The following KAZN variants were observed in gnomAD, a reference collection of about 807,000 sequenced individuals.
KAZN encodes the protein kazrin.
Under a neutral mutation model 87.4 loss-of-function variants are expected in KAZN, and 40 were observed. That is an observed-to-expected ratio of 0.46 (90% CI 0.36 to 0.60). The LOEUF (loss-of-function observed/expected upper bound fraction) is 0.60. Among genes scored for constraint, KAZN ranks in the 20% least tolerant of loss-of-function variants. The probability of loss-of-function intolerance (pLI) is 0.00; values close to 1 mark genes in which losing one functional copy is unlikely to be tolerated. For missense variants in KAZN, 898 were observed against 1,073.9 expected, an observed-to-expected ratio of 0.84 and a Z score of 2.29; for synonymous variants, 466 against 458.3, an observed-to-expected ratio of 1.02 and a Z score of -0.22.
At chr1:14,114,389 G>A (rs1227958843) in intron 1 of KAZN, among the ~76,000 whole-genome samples, 3 of 152,110 alleles carry the variant, frequency 2.0e-5, no homozygotes, top group East Asian at 1.9e-4. Context: ...TGACTCTGGC[G>A]ATTTGCAGAA....
intron 2 of KAZN, among the ~76,000 whole-genome samples, chr1:14,281,578 A>T (rs1652839571): frequency 6.6e-6 from 1 of 152,150 alleles, no homozygotes; most frequent in African/African-American, 2.4e-5. Context: ...CTTGCCTAGA[A>T]ACAGAACATT....
At position 14,655,664 on chromosome 1, in the gene KAZN, G is replaced by A. The variant is rs1477789949; in HGVS notation, c.226+56441G>A. On this transcript the variant is annotated intron_variant, in intron 1 of 14. Coordinates refer to ENST00000376030, the MANE Select transcript of KAZN (RefSeq NM_201628.3). ...TTGCTTCTCTGCTGATGGGGAAACT[G>A]TGACATGACATTTTGGTGGCTGTGG... Among the ~76,000 whole-genome samples, 3 of 152,344 alleles carry A rather than the reference G, an allele frequency of 2.0e-5. No individual in the cohort carries two copies. The East Asian group carries it at 5.8e-4, about 29-fold the overall frequency.
At chr1:14,111,937 A>G (rs1019408493) in intron 1 of KAZN, among the ~76,000 whole-genome samples, 33 of 151,538 alleles carry the variant, frequency 2.2e-4, no homozygotes, top group Admixed American at 1.8e-3. Context: ...ACGGGCTTTC[A>G]CCATATTGGT....
intron 2 of KAZN, among the ~76,000 whole-genome samples, chr1:15,011,231 G>C (rs1283840249): frequency 6.6e-6 from 1 of 152,192 alleles, no homozygotes; most frequent in Non-Finnish European, 1.5e-5. Context: ...GCCAGTTAGG[G>C]TAAGAGCCCA....
At chr1:14,261,927 G>T (rs1448253605) in intron 2 of KAZN, among the ~76,000 whole-genome samples, 1 of 152,100 alleles carries the variant, frequency 6.6e-6, no homozygotes, top group Non-Finnish European at 1.5e-5. Context: ...AAATGCCGTG[G>T]TCCCCAAATG....
intron 1 of KAZN, among the ~76,000 whole-genome samples, chr1:14,106,662 G>A (rs1198826424): frequency 6.6e-6 from 1 of 152,198 alleles, no homozygotes; most frequent in African/African-American, 2.4e-5. Context: ...GAGGTTGGAT[G>A]AGTGATGATC....
chr1:14,805,938 A>G (rs566269569), intron 1 of KAZN, among the ~76,000 whole-genome samples: 66 of 152,274 alleles, frequency 4.3e-4, no homozygotes, highest in African/African-American at 1.5e-3. Flanking sequence ...GCAAGATAAT[A>G]CAATTAAAGA....
chr1:14,468,817 T>C (rs1211977967), intron 2 of KAZN, among the ~76,000 whole-genome samples: 1 of 152,206 alleles, frequency 6.6e-6, no homozygotes. Flanking sequence ...TCTCTGCGGG[T>C]AGGCATCGTC....
At position 14,127,855 on chromosome 1, in the gene KAZN, G is replaced by A. The variant is rs1045404234; in HGVS notation, c.92-52580G>A. 2.0e-5 allele frequency among the ~76,000 whole-genome samples: 3 copies of A among 152,270 alleles called. No homozygotes were observed. The South Asian group carries it at 6.2e-4, about 32-fold the overall frequency. On this transcript the variant is annotated intron_variant, in intron 1 of 16. Coordinates refer to the KAZN transcript ENST00000636203. The stretch of plus-strand genomic sequence containing the variant: ...GGAGACGTGGGCACTTGGCTCGTGG[G>A]GTTGTTCTGTCTGGAGTGAAGAGAG...
Position 14,960,884 on chromosome 1 carries a change from C to G in KAZN, c.418+9C>G. On this transcript the variant is annotated intron_variant, in intron 2 of 14. Coordinates refer to ENST00000376030, the MANE Select transcript of KAZN (RefSeq NM_201628.3). ...CAAAGAAGCCTTGCAGGGTGAGTGA[C>G]GAGTCAGCAGCAGTTCCTTCGCTGG... 1.3e-6 allele frequency: 2 copies of G among 1,595,704 alleles called. No individual in the cohort carries two copies. The highest frequency in any genetic ancestry group is 8.6e-7 in the Non-Finnish European group (1 of 1,168,912).
At chr1:14,514,417 T>TTATATATAA in intron 2 of KAZN, among the ~76,000 whole-genome samples, 1 of 10,694 alleles carries the variant, frequency 9.4e-5, no homozygotes, top group African/African-American at 2.7e-4. Context: ...AATATATAAA[T>TTATATATAA]ATATATATAA....
chr1:14,871,989 A>T (rs1181556277), intron 1 of KAZN, among the ~76,000 whole-genome samples: 1 of 152,160 alleles, frequency 6.6e-6, no homozygotes, highest in Non-Finnish European at 1.5e-5. Context: ...TACCAGAAGA[A>T]GGGGGCATGA....
chr1:14,642,761 A>G (rs987158755), intron 1 of KAZN, among the ~76,000 whole-genome samples: 19 of 152,372 alleles, frequency 1.2e-4, no homozygotes, highest in Middle Eastern at 3.4e-3. Flanking sequence ...CTGATCTGAT[A>G]CATTATATGT....
At position 14,328,294 on chromosome 1, in the gene KAZN, A is replaced by G. The variant is rs1385099440; in HGVS notation, c.249+147702A>G. Among the ~76,000 whole-genome samples, 2 of 152,184 alleles carry G rather than the reference A, an allele frequency of 1.3e-5. 1 individual carries two copies. The highest frequency in any genetic ancestry group is 2.9e-5 in the Non-Finnish European group (2 of 68,038). ...GAAGAGATATATTGCTTTATTTACT[A>G]TGCTTTTCCATTTTCCTCTGCATAG... On this transcript the variant is annotated intron_variant, in intron 2 of 16. Transcript: ENST00000636203.
intron 1 of KAZN, among the ~76,000 whole-genome samples, chr1:14,627,256 C>T (rs1264523773): frequency 6.6e-6 from 1 of 151,890 alleles, no homozygotes; most frequent in East Asian, 1.9e-4. Flanking sequence ...TCTCAGCATC[C>T]AAACAGAAGA....
At chr1:13,965,081 A>G (rs1026841395) in intron 1 of KAZN, among the ~76,000 whole-genome samples, 3 of 152,094 alleles carry the variant, frequency 2.0e-5, no homozygotes, top group Non-Finnish European at 2.9e-5. Context: ...GCAGCAGGGG[A>G]GGACAGAGAG....
chr1:14,024,077 C>T (rs1028610484), intron 1 of KAZN, among the ~76,000 whole-genome samples: 9 of 152,144 alleles, frequency 5.9e-5, no homozygotes, highest in African/African-American at 1.9e-4. Flanking sequence ...TGTTAGGGAT[C>T]GTGTGACAAG....
chr1:14,813,308 C>T (rs74594097), intron 1 of KAZN, among the ~76,000 whole-genome samples: 16,941 of 152,204 alleles, frequency 0.11, 985 homozygotes, highest in Admixed American at 0.14. Context: ...ATGGGGACTT[C>T]TGAAGCTAGG....
intron 1 of KAZN, among the ~76,000 whole-genome samples, chr1:13,972,000 C>T (rs867957877): frequency 6.6e-6 from 1 of 152,114 alleles, no homozygotes; most frequent in Non-Finnish European, 1.5e-5. Flanking sequence ...GCCAGTTAAA[C>T]CTCTTTTGTT....
Sources: allele counts gnomAD v4.1 joint callset (sites outside exome capture counted in the v4.1 genomes callset), GRCh38; gene constraint gnomAD v4.1.1; transcripts MANE v1.5; gene names NCBI Gene and HGNC (gene_info 2026-07-23, HGNC 2026-07-21).